NALCN: variants seen among roughly 807,000 people sequenced by gnomAD.
The protein encoded by NALCN is sodium leak channel, non-selective, also known as sodium leak channel NALCN.
In NALCN, 111 loss-of-function variants were observed where a neutral mutation model predicts 225.3. The observed-to-expected ratio is 0.49, with a 90% CI of 0.42 to 0.58. The LOEUF (loss-of-function observed/expected upper bound fraction) is 0.58, where lower values mean the gene tolerates loss of function less well. Ranked by LOEUF, NALCN falls within the 20% of genes least tolerant of loss-of-function variation. The pLI is 0.00. For missense variants in NALCN, 1,378 were observed against 2,202.4 expected (o/e 0.63, Z 7.49); for synonymous variants, 764 against 769.0 (o/e 0.99, Z 0.11).
In NALCN at chr13:101,159,806, G is replaced by A. The variant is rs77478662; in HGVS notation, c.1840-14910C>T. Among the ~76,000 whole-genome samples the A allele has an allele frequency of 1.4e-4, 21 of 152,230 alleles. 1 individual carries two copies. The East Asian group carries it at 3.7e-3, about 27-fold the overall frequency. ...ACAATATATAGGAGTTAGGACTCGT[G>A]TCATCAAAGAAAAGAGGGCACACCG... is the stretch of plus-strand genomic sequence containing the variant. On this transcript the variant is annotated intron_variant, in intron 15 of 43. Coordinates refer to ENST00000251127, the MANE Select transcript of NALCN (RefSeq NM_052867.4).
intron 2 of NALCN, among the ~76,000 whole-genome samples, chr13:101,397,464 C>T (rs1397151132): frequency 6.6e-6 from 1 of 150,518 alleles, no homozygotes; most frequent in Non-Finnish European, 1.5e-5. Flanking sequence ...TATATGTACA[C>T]ATTATACATA....
intron 17 of NALCN, among the ~76,000 whole-genome samples, chr13:101,137,317 A>G (rs554398240): frequency 1.3e-5 from 2 of 152,278 alleles, no homozygotes; most frequent in Admixed American, 6.5e-5. Flanking sequence ...AATTCTTTCA[A>G]AAGACCAAAA....
intron 11 of NALCN, among the ~76,000 whole-genome samples, chr13:101,245,381 C>T (rs2041863618): frequency 6.6e-6 from 1 of 151,910 alleles, no homozygotes; most frequent in South Asian, 2.1e-4. Context: ...TTACAAATAC[C>T]CCAAAGCAGT....
At chr13:101,382,589 T>C (rs1002453557) in intron 3 of NALCN, among the ~76,000 whole-genome samples, 3 of 152,172 alleles carry the variant, frequency 2.0e-5, no homozygotes, top group African/African-American at 4.8e-5. Context: ...GAAATTAATG[T>C]TGTAAAACTG....
At position 101,203,450 on chromosome 13, in the gene NALCN, C is replaced by A. The variant is rs563757209; in HGVS notation, c.1627-11396G>T. 2.2e-4 allele frequency among the ~76,000 whole-genome samples: 33 copies of A among 152,284 alleles called. No homozygotes were observed. In the South Asian group the frequency reaches 6.2e-3, roughly 29 times the overall value. ...CAGGCTGGTCTTGAACTCCTGACCTCAGGTGATCCACCCACCTCAGCTTCC... is the reference window on the plus strand; with the variant it reads ...CAGGCTGGTCTTGAACTCCTGACCTAAGGTGATCCACCCACCTCAGCTTCC... On this transcript the variant is annotated intron_variant, in intron 13 of 43. Transcript: ENST00000251127.
intron 6 of NALCN, among the ~76,000 whole-genome samples, chr13:101,353,460 T>C (rs1254780200): frequency 2.0e-5 from 3 of 152,228 alleles, no homozygotes; most frequent in Admixed American, 2.0e-4. Flanking sequence ...TTGGTCTAGC[T>C]AATTCTAATG....
intron 4 of NALCN, 21 bp downstream of exon 4, chr13:101,378,549 A>G: frequency 6.3e-7 from 1 of 1,579,450 alleles, no homozygotes; most frequent in Non-Finnish European, 8.6e-7. Context: ...CCTGCTTGTA[A>G]TTTAAAAAAT....
chr13:101,224,817 AC>A lies in NALCN; in HGVS notation c.1626+4575del, dbSNP rs561427909. Among the ~76,000 whole-genome samples, 16 of 151,430 alleles carry A rather than the reference AC, an allele frequency of 1.1e-4. No homozygotes were observed. The East Asian group carries it at 2.5e-3, about 24-fold the overall frequency. On this transcript the variant is annotated intron_variant, in intron 13 of 43. Transcript: ENST00000251127. The stretch of plus-strand genomic sequence containing the variant: ...CATTGAAGGGCCCATAACTACACAC[AC>A]CCCCCTTTTACAACAAGCCTCACTT...
At chr13:101,269,828 C>T (rs2042717628) in intron 10 of NALCN, among the ~76,000 whole-genome samples, 1 of 152,160 alleles carries the variant, frequency 6.6e-6, no homozygotes, top group Non-Finnish European at 1.5e-5. Flanking sequence ...TTCTGACATA[C>T]ACTCAAGTGT....
At chr13:101,373,674 C>T (rs984930271) in intron 6 of NALCN, among the ~76,000 whole-genome samples, 1 of 152,158 alleles carries the variant, frequency 6.6e-6, no homozygotes, top group Non-Finnish European at 1.5e-5. Context: ...ATACTGAGAG[C>T]TTCTCCTAAG....
chr13:101,230,165 A>C (rs2140134678), intron 12 of NALCN, among the ~76,000 whole-genome samples: 1 of 152,334 alleles, frequency 6.6e-6, no homozygotes, highest in South Asian at 2.1e-4. Context: ...CATTATGCAC[A>C]TACATACAAA....
intron 3 of NALCN, among the ~76,000 whole-genome samples, chr13:101,381,762 A>G (rs2046854864): frequency 6.6e-6 from 1 of 152,116 alleles, no homozygotes; most frequent in Non-Finnish European, 1.5e-5. Flanking sequence ...TCATTATGTT[A>G]TATGTTGACA....
chr13:101,184,142 A>G (rs1394413598), intron 14 of NALCN, among the ~76,000 whole-genome samples: 20 of 152,212 alleles, frequency 1.3e-4, no homozygotes, highest in Admixed American at 1.3e-3. Context: ...TGTATTTCAG[A>G]TATCTAATTC....
At chr13:101,257,365 G>C (rs954750155) in intron 11 of NALCN, among the ~76,000 whole-genome samples, 6 of 151,994 alleles carry the variant, frequency 3.9e-5, no homozygotes, top group Non-Finnish European at 8.8e-5. Flanking sequence ...ATTCAGAAGC[G>C]ACTACTTAAA....
At chr13:101,057,433 G>A (rs558343218) in intron 43 of NALCN, 3 of 178,136 alleles carry the variant, frequency 1.7e-5, no homozygotes, top group South Asian at 1.2e-4. Context: ...TGAGTACTAC[G>A]TAAGTGTTTG....
intron 7 of NALCN, among the ~76,000 whole-genome samples, chr13:101,295,007 G>A (rs575413931): frequency 6.6e-6 from 1 of 152,158 alleles, no homozygotes; most frequent in African/African-American, 2.4e-5. Context: ...ACCCTAAAGA[G>A]GCCTAGAAGA....
intron 10 of NALCN, among the ~76,000 whole-genome samples, chr13:101,268,983 A>G (rs899429599): frequency 6.6e-6 from 1 of 152,182 alleles, no homozygotes; most frequent in South Asian, 2.1e-4. Context: ...AAACCTTTCA[A>G]TTAACTAACC....
intron 9 of NALCN, among the ~76,000 whole-genome samples, chr13:101,286,230 C>T: frequency 6.6e-6 from 1 of 152,298 alleles, no homozygotes; most frequent in East Asian, 1.9e-4. Flanking sequence ...CAGGGACTGC[C>T]AGTCTTTCCT....
At chr13:101,254,100 C>A (rs185284374) in intron 11 of NALCN, among the ~76,000 whole-genome samples, 1 of 151,908 alleles carries the variant, frequency 6.6e-6, no homozygotes, top group African/African-American at 2.4e-5. Context: ...CAGAGTGGAA[C>A]GGCCAGGAGT....
Sources: gnomAD v4.1 joint callset for allele counts (sites outside exome capture counted in the v4.1 genomes callset) on GRCh38, gnomAD v4.1.1 for gene constraint, MANE v1.5 for transcripts, NCBI Gene and HGNC (gene_info 2026-07-23, HGNC 2026-07-21) for gene names.